CTNNA3: variants seen among roughly 807,000 people sequenced by gnomAD.
The protein encoded by CTNNA3 is catenin alpha 3.
CTNNA3 carries 76 observed loss-of-function variants against 95.7 expected under a neutral mutation model. That is an observed-to-expected ratio of 0.79 (90% confidence interval 0.66 to 0.96). The LOEUF (loss-of-function observed/expected upper bound fraction) is 0.96. Among genes scored for constraint, CTNNA3 ranks in the 40% least tolerant of loss-of-function variants. CTNNA3 has a pLI of 0.00. For missense variants in CTNNA3, 1,191 were observed against 1,089.8 expected, an observed-to-expected ratio of 1.09 and a Z score of -1.31; for synonymous variants, 431 against 374.4, an observed-to-expected ratio of 1.15 and a Z score of -1.74.
intron 10 of CTNNA3, among the ~76,000 whole-genome samples, chr10:66,528,071 G>A (rs192810314): frequency 6.6e-6 from 1 of 152,200 alleles, no homozygotes; most frequent in East Asian, 1.9e-4. Context: ...TTTAAATGGG[G>A]CTTCTGTTAT....
Position 67,216,483 on chromosome 10 carries a change from T to C in CTNNA3, c.843+3124A>G, listed in dbSNP as rs528706994. Among the ~76,000 whole-genome samples the C allele has an allele frequency of 2.0e-5, 3 of 152,278 alleles. No individual in the cohort carries two copies. The South Asian group carries it at 6.2e-4, about 32-fold the overall frequency. The stretch of plus-strand genomic sequence containing the variant: ...AAATAAGGGTAAGGAAAAAATGCTT[T>C]TCACTGCAAAATCACAAAATGGCAT... On this transcript the variant is annotated intron_variant, in intron 6 of 17. Coordinates refer to ENST00000433211, the MANE Select transcript of CTNNA3 (RefSeq NM_013266.4).
At chr10:66,205,604 C>T (rs1564763570) in intron 13 of CTNNA3, among the ~76,000 whole-genome samples, 1 of 152,024 alleles carries the variant, frequency 6.6e-6, no homozygotes, top group East Asian at 1.9e-4. Flanking sequence ...AAAACCCATA[C>T]ACAAAATGTA....
chr10:66,434,854 AG>A (rs1449724204), intron 11 of CTNNA3, among the ~76,000 whole-genome samples: 1 of 152,098 alleles, frequency 6.6e-6, no homozygotes, highest in Non-Finnish European at 1.5e-5. Flanking sequence ...TTTAGCATGA[AG>A]GGGTGTTGAA....
At chr10:66,028,695 GT>G (rs767523878) in intron 15 of CTNNA3, among the ~76,000 whole-genome samples, 1 of 152,008 alleles carries the variant, frequency 6.6e-6, no homozygotes, top group Non-Finnish European at 1.5e-5. Context: ...GTATACATAT[GT>G]AACTAACCTG....
chr10:67,647,977 A>G (rs959673086), intron 1 of CTNNA3, among the ~76,000 whole-genome samples: 5 of 152,182 alleles, frequency 3.3e-5, no homozygotes, highest in African/African-American at 7.2e-5. Flanking sequence ...ACAAGTAAAG[A>G]TATGTCCTTA....
At chr10:66,904,092 C>T (rs1008731362) in intron 7 of CTNNA3, among the ~76,000 whole-genome samples, 4 of 151,098 alleles carry the variant, frequency 2.6e-5, no homozygotes, top group South Asian at 2.1e-4. Flanking sequence ...GCAAAAAGAA[C>T]AAGGTATCAC....
At chr10:66,189,621 C>G (rs867121448) in intron 13 of CTNNA3, among the ~76,000 whole-genome samples, 1 of 86,634 alleles carries the variant, frequency 1.2e-5, no homozygotes, top group African/African-American at 6.5e-5. Context: ...TATATATACA[C>G]ACATACACAC....
intron 3 of CTNNA3, among the ~76,000 whole-genome samples, chr10:67,562,358 C>A (rs1329702156): frequency 6.6e-6 from 1 of 152,054 alleles, no homozygotes; most frequent in African/African-American, 2.4e-5. Flanking sequence ...TAAAGGTAAT[C>A]CAGCATACAA....
rs528392428 is a variant in CTNNA3 at position 66,815,534 on chromosome 10, C to T, written c.1048-40010G>A. The stretch of plus-strand genomic sequence containing the variant: ...TTTATTTGACACGATTTGAAATATT[C>T]GAATCTTTCATATTCAAATATTCTC... On this transcript the variant is annotated intron_variant, in intron 7 of 17. Transcript: ENST00000433211. Among the ~76,000 whole-genome samples, 12 of 152,074 alleles carry T rather than the reference C, an allele frequency of 7.9e-5. No homozygotes were observed. In the South Asian group the frequency reaches 1.7e-3, roughly 21 times the overall value.
chr10:67,353,450 A>G (rs565455316), intron 5 of CTNNA3, among the ~76,000 whole-genome samples: 1 of 149,682 alleles, frequency 6.7e-6, no homozygotes, highest in African/African-American at 2.5e-5. Flanking sequence ...TGTATTTTAA[A>G]AGTACCATTG....
At chr10:67,632,834 C>T (rs1453717284) in intron 2 of CTNNA3, among the ~76,000 whole-genome samples, 2 of 152,124 alleles carry the variant, frequency 1.3e-5, no homozygotes, top group African/African-American at 4.8e-5. Context: ...GACGAGAGAT[C>T]TGTCCGTATA....
At chr10:66,210,280 A>G (rs138908958) in intron 13 of CTNNA3, among the ~76,000 whole-genome samples, 4 of 151,336 alleles carry the variant, frequency 2.6e-5, no homozygotes, top group African/African-American at 9.7e-5. Context: ...AAAAAATGGC[A>G]ATGATAGTGG....
At chr10:67,041,578 A>C (rs1489905706) in intron 7 of CTNNA3, among the ~76,000 whole-genome samples, 1 of 152,106 alleles carries the variant, frequency 6.6e-6, no homozygotes, top group Non-Finnish European at 1.5e-5. Context: ...TGGCTCATAA[A>C]AGCAATGGAA....
Position 65,920,131 on chromosome 10 carries a change from T to G in CTNNA3, c.*199A>C. On this transcript the variant is annotated 3_prime_UTR_variant, in exon 18 of 18. Coordinates refer to ENST00000433211, the MANE Select transcript of CTNNA3 (RefSeq NM_013266.4). ...CAACAAGCAAATATTCCTTAACTAT[T>G]AGGTGCTGACCATACAGAAATGACA... 3.5e-6 allele frequency: 2 copies of G among 577,752 alleles called. No homozygotes were observed. The highest frequency in any genetic ancestry group is 2.2e-5 in the South Asian group (1 of 45,018). The allele number at this position is 577,752 out of a possible 1,614,324, so 35.8% of individuals were successfully genotyped here.
At chr10:67,670,240 C>T (rs1840405957) in intron 1 of CTNNA3, among the ~76,000 whole-genome samples, 1 of 152,066 alleles carries the variant, frequency 6.6e-6, no homozygotes, top group Admixed American at 6.6e-5. Flanking sequence ...CTCTCTGTTT[C>T]CAAAGATAAT....
intron 16 of CTNNA3, among the ~76,000 whole-genome samples, chr10:65,979,901 G>A (rs1426522322): frequency 6.6e-6 from 1 of 151,952 alleles, no homozygotes; most frequent in Non-Finnish European, 1.5e-5. Flanking sequence ...TAAAGTAGGA[G>A]TTCATTAATC....
At chr10:66,565,038 G>A (rs1396370307) in intron 10 of CTNNA3, among the ~76,000 whole-genome samples, 1 of 152,092 alleles carries the variant, frequency 6.6e-6, no homozygotes, top group Non-Finnish European at 1.5e-5. Context: ...TTCCCTTTGG[G>A]AAAATGCATT....
At chr10:66,021,313 CA>C (rs2079201336) in intron 15 of CTNNA3, among the ~76,000 whole-genome samples, 1 of 152,080 alleles carries the variant, frequency 6.6e-6, no homozygotes, top group Admixed American at 6.6e-5. Context: ...GCAGAAGAAT[CA>C]GTGATACTGA....
At chr10:67,682,197 G>A (rs371057781) in intron 1 of CTNNA3, among the ~76,000 whole-genome samples, 25 of 151,878 alleles carry the variant, frequency 1.6e-4, no homozygotes, top group East Asian at 1.2e-3. Context: ...CGTGGTGGTG[G>A]GCGCCTATAG....
Sources: gnomAD v4.1 joint callset for allele counts (sites outside exome capture counted in the v4.1 genomes callset) on GRCh38, gnomAD v4.1.1 for gene constraint, MANE v1.5 for transcripts, NCBI Gene and HGNC (gene_info 2026-07-23, HGNC 2026-07-21) for gene names.